The following AGBL4 variants were observed in gnomAD, a reference collection of about 807,000 sequenced individuals.
AGBL4 encodes cytosolic carboxypeptidase 6.
Under a neutral mutation model 66.4 loss-of-function variants are expected in AGBL4, and 58 were observed. The ratio of observed to expected loss-of-function variants is 0.87; its 90% CI spans 0.71 to 1.09. The LOEUF (loss-of-function observed/expected upper bound fraction) is 1.09, where lower values mean the gene tolerates loss of function less well. Ranked by LOEUF, AGBL4 falls within the 50% of genes least tolerant of loss-of-function variation. AGBL4 has a pLI of 0.00. For missense variants in AGBL4, 579 were observed against 631.0 expected (o/e 0.92, Z 0.88); for synonymous variants, 234 against 222.9 (o/e 1.05, Z -0.44).
At chr1:49,446,722 G>T (rs1439041158) in intron 3 of AGBL4, among the ~76,000 whole-genome samples, 1 of 152,090 alleles carries the variant, frequency 6.6e-6, no homozygotes. Context: ...AGTAGCAGTG[G>T]TGGGATGACT....
At chr1:49,701,496 T>C (rs1372304039) in intron 2 of AGBL4, among the ~76,000 whole-genome samples, 1 of 152,078 alleles carries the variant, frequency 6.6e-6, no homozygotes, top group Non-Finnish European at 1.5e-5. Context: ...CATCAAATTG[T>C]ATACAACAAA....
chr1:49,005,472 C>G (rs1455493115), intron 5 of AGBL4, among the ~76,000 whole-genome samples: 1 of 152,138 alleles, frequency 6.6e-6, no homozygotes, highest in Non-Finnish European at 1.5e-5. Context: ...CACTACCTGC[C>G]CATTAGTCAC....
At chr1:49,086,232 G>T (rs930161401) in intron 4 of AGBL4, among the ~76,000 whole-genome samples, 1 of 152,120 alleles carries the variant, frequency 6.6e-6, no homozygotes, top group Non-Finnish European at 1.5e-5. Flanking sequence ...ATTGCCCTGA[G>T]AAATAGTCAG....
chr1:48,701,452 CTTTTCCTTTTT>C (rs1306146502), intron 6 of AGBL4, among the ~76,000 whole-genome samples: 9 of 22,142 alleles, frequency 4.1e-4, no homozygotes, highest in Non-Finnish European at 1.3e-3. Flanking sequence ...TTTTCTTTTT[CTTTTCCTTTTT>C]TTTTCTTTTC....
intron 5 of AGBL4, among the ~76,000 whole-genome samples, chr1:48,896,226 A>T (rs3121524): frequency 5.3e-5 from 8 of 152,160 alleles, no homozygotes; most frequent in South Asian, 2.1e-4. Context: ...TTTAAAACTC[A>T]GATCTCACCT....
intron 11 of AGBL4, among the ~76,000 whole-genome samples, chr1:48,543,531 G>A (rs1193603110): frequency 2.0e-5 from 3 of 152,146 alleles, no homozygotes; most frequent in Non-Finnish European, 4.4e-5. Flanking sequence ...AGGTCATAGT[G>A]GAAAGGACAA....
At chr1:49,723,183 A>G (rs1648741703) in intron 2 of AGBL4, among the ~76,000 whole-genome samples, 2 of 152,062 alleles carry the variant, frequency 1.3e-5, no homozygotes, top group Admixed American at 6.6e-5. Context: ...TAAAATCTTG[A>G]GCCTCTCCTT....
chr1:48,728,159 A>T, intron 6 of AGBL4: 1 of 907,536 alleles, frequency 1.1e-6, no homozygotes, highest in Non-Finnish European at 1.6e-6. Flanking sequence ...CAGCTTATGT[A>T]TCTGGCATAG....
intron 9 of AGBL4, among the ~76,000 whole-genome samples, chr1:48,603,781 T>C (rs1304017314): frequency 3.3e-5 from 5 of 151,964 alleles, no homozygotes; most frequent in Non-Finnish European, 5.9e-5. Context: ...TGAGAACTAA[T>C]TTAAAAATGA....
At chr1:49,525,673 A>G (rs1422719125) in intron 3 of AGBL4, among the ~76,000 whole-genome samples, 1 of 152,070 alleles carries the variant, frequency 6.6e-6, no homozygotes, top group East Asian at 1.9e-4. Flanking sequence ...CCTGCTCACC[A>G]GGGAAGAGGC....
chr1:48,916,739 C>A (rs558907714), intron 5 of AGBL4, among the ~76,000 whole-genome samples: 3 of 152,260 alleles, frequency 2.0e-5, no homozygotes, highest in Non-Finnish European at 4.4e-5. Context: ...AGGGGGTATC[C>A]CAGACTCTAG....
chr1:49,562,058 G>A (rs1376495471), intron 3 of AGBL4, among the ~76,000 whole-genome samples: 3 of 152,168 alleles, frequency 2.0e-5, no homozygotes, highest in Admixed American at 6.6e-5. Context: ...CTGATGGCCA[G>A]TGATGATGAG....
intron 8 of AGBL4, 27 bp from the exon 9 acceptor site, chr1:48,634,631 A>G (rs1213866802): frequency 3.9e-6 from 6 of 1,521,122 alleles, no homozygotes; most frequent in Non-Finnish European, 4.5e-6. Flanking sequence ...GTAAGAGTCA[A>G]TATAGACAGG....
intron 5 of AGBL4, among the ~76,000 whole-genome samples, chr1:49,026,534 G>A (rs975516725): frequency 1.3e-5 from 2 of 152,090 alleles, no homozygotes; most frequent in African/African-American, 4.8e-5. Context: ...ATTTGCACTG[G>A]GCCAAATTTC....
At chr1:48,992,531 C>T (rs776295448) in intron 5 of AGBL4, among the ~76,000 whole-genome samples, 2 of 152,048 alleles carry the variant, frequency 1.3e-5, no homozygotes, top group African/African-American at 2.4e-5. Context: ...AATCAGCAGG[C>T]GGCAAGGCCA....
At chr1:48,948,268 C>T (rs563535597) in intron 5 of AGBL4, among the ~76,000 whole-genome samples, 14 of 152,330 alleles carry the variant, frequency 9.2e-5, no homozygotes, top group Admixed American at 4.6e-4. Context: ...GTGTGCCTTG[C>T]GCTTTGTCAG....
intron 5 of AGBL4, among the ~76,000 whole-genome samples, chr1:48,884,270 A>G (rs1306299661): frequency 6.6e-6 from 1 of 151,780 alleles, no homozygotes; most frequent in Non-Finnish European, 1.5e-5. Flanking sequence ...CTGAAGCTCT[A>G]AGAGTTACAA....
chr1:49,800,620 G>C (rs1284309765), intron 2 of AGBL4, among the ~76,000 whole-genome samples: 1 of 108,288 alleles, frequency 9.2e-6, no homozygotes, highest in Non-Finnish European at 1.9e-5. Context: ...GCGGTGTTTG[G>C]TTTTTTGTTC....
chr1:49,543,493 C>T (rs1652228691), intron 3 of AGBL4, among the ~76,000 whole-genome samples: 1 of 151,902 alleles, frequency 6.6e-6, no homozygotes, highest in Non-Finnish European at 1.5e-5. Context: ...ATAGGGCAAG[C>T]AGAAGAAAAG....
Sources: allele counts gnomAD v4.1 joint callset (sites outside exome capture counted in the v4.1 genomes callset), GRCh38; gene constraint gnomAD v4.1.1; transcripts MANE v1.5; gene names NCBI Gene and HGNC (gene_info 2026-07-23, HGNC 2026-07-21).